SLC25A48: variants seen among roughly 807,000 people sequenced by gnomAD.
SLC25A48 encodes the protein CTC-321K16.1.
A neutral mutation model predicts 32.2 loss-of-function variants in SLC25A48; 29 were observed. That is an observed-to-expected ratio of 0.90 (90% CI 0.67 to 1.23). The LOEUF (loss-of-function observed/expected upper bound fraction) is 1.23. SLC25A48 is among the 50% of genes most tolerant of loss of function. The pLI is 0.00. For missense variants in SLC25A48, 399 were observed against 422.7 expected (o/e 0.94, Z 0.49); for synonymous variants, 164 against 172.3 (o/e 0.95, Z 0.38).
intron 4 of SLC25A48, among the ~76,000 whole-genome samples, chr5:135,827,773 C>T (rs1327736691): frequency 6.6e-6 from 1 of 150,922 alleles, no homozygotes; most frequent in Non-Finnish European, 1.5e-5. Context: ...AAGGAACAGA[C>T]AGGTTGGGAG....
intron 3 of SLC25A48, among the ~76,000 whole-genome samples, chr5:135,665,578 C>T (rs967156512): frequency 7.9e-5 from 12 of 151,878 alleles, no homozygotes; most frequent in African/African-American, 2.4e-4. Context: ...AGATTTAAGC[C>T]TCTGATCTAT....
At chr5:135,760,077 AC>A (rs1756024357) in intron 3 of SLC25A48, among the ~76,000 whole-genome samples, 1 of 151,760 alleles carries the variant, frequency 6.6e-6, no homozygotes, top group Admixed American at 6.6e-5. Flanking sequence ...GTGATCCACC[AC>A]CCTCAGCCTT....
chr5:135,779,297 T>C lies in SLC25A48; in HGVS notation c.-520-33226T>C, dbSNP rs536364549. The stretch of plus-strand genomic sequence containing the variant: ...CTCCCAATGTTGCAGAGGTGAACAC[T>C]CCCCCTGAGATATTGCTCCTAATAT... On this transcript the variant is annotated intron_variant, in intron 3 of 10. Coordinates refer to the SLC25A48 transcript ENST00000646290. 1.5e-4 allele frequency among the ~76,000 whole-genome samples: 22 copies of C among 151,440 alleles called. No individual in the cohort carries two copies. In the South Asian group the frequency reaches 4.6e-3, roughly 32 times the overall value.
intron 4 of SLC25A48, among the ~76,000 whole-genome samples, chr5:135,816,546 G>A (rs2126655832): frequency 6.6e-6 from 1 of 152,074 alleles, no homozygotes; most frequent in African/African-American, 2.4e-5. Context: ...GATGATCATT[G>A]GTAACTACCT....
intron 4 of SLC25A48, 127 bp downstream of exon 4, chr5:135,852,948 CG>C (rs1475084961): frequency 7.8e-7 from 1 of 1,279,458 alleles, no homozygotes; most frequent in East Asian, 2.6e-5. Flanking sequence ...CCTAGTAGTC[CG>C]TAATTACAGG....
intron 3 of SLC25A48, among the ~76,000 whole-genome samples, chr5:135,701,735 GCA>G (rs1754400481): frequency 6.6e-6 from 1 of 152,288 alleles, no homozygotes; most frequent in South Asian, 2.1e-4. Context: ...CCAGATCTGG[GCA>G]TTCCTCATAT....
Position 135,585,421 on chromosome 5 carries a change from G to A in SLC25A48, c.-849+5824G>A, listed in dbSNP as rs1751341539. 2.0e-5 allele frequency among the ~76,000 whole-genome samples: 3 copies of A among 152,186 alleles called. No individual in the cohort carries two copies. In the South Asian group the frequency reaches 6.2e-4, roughly 32 times the overall value. Reference sequence around the variant, plus strand: ...GCCTGACTCCCGTCCTAGCCCCAGGGTAGGAGAGGCACCTGCTGTCCGCGT... The same window carrying A: ...GCCTGACTCCCGTCCTAGCCCCAGGATAGGAGAGGCACCTGCTGTCCGCGT... On this transcript the variant is annotated intron_variant, in intron 1 of 10. Coordinates refer to the SLC25A48 transcript ENST00000646290.
chr5:135,623,877 T>C (rs541305852), intron 1 of SLC25A48, among the ~76,000 whole-genome samples: 216 of 152,358 alleles, frequency 1.4e-3, no homozygotes, highest in African/African-American at 5.1e-3. Flanking sequence ...TCATTATTAC[T>C]GCTGCTGCTG....
intron 1 of SLC25A48, among the ~76,000 whole-genome samples, chr5:135,582,442 G>A (rs916377961): frequency 6.6e-6 from 1 of 152,086 alleles, no homozygotes; most frequent in Non-Finnish European, 1.5e-5. Context: ...CTGACAGGGT[G>A]ACGAGGTGGG....
At position 135,817,391 on chromosome 5, in the gene SLC25A48, T is replaced by C. The variant is rs575678503; in HGVS notation, c.-117+4465T>C. Among the ~76,000 whole-genome samples the C allele has an allele frequency of 8.5e-5, 13 of 152,354 alleles. No homozygotes were observed. In the East Asian group the frequency reaches 2.5e-3, roughly 29 times the overall value. ...TAGACAATCCAGGTATGAATCCACA[T>C]GTATATTACTGATTTTTGACAAATA... On this transcript the variant is annotated intron_variant, in intron 4 of 10. Coordinates refer to the SLC25A48 transcript ENST00000646290.
intron 1 of SLC25A48, among the ~76,000 whole-genome samples, chr5:135,627,508 C>T (rs1752464471): frequency 6.6e-6 from 1 of 152,190 alleles, no homozygotes; most frequent in Non-Finnish European, 1.5e-5. Context: ...GTTGCCTCCT[C>T]TTTCCCCGTG....
rs906899138 is a variant in SLC25A48 at position 135,819,011 on chromosome 5, C to T, written c.-117+6085C>T. On this transcript the variant is annotated intron_variant, in intron 4 of 10. Transcript: ENST00000646290. ...GAGTCTGTGAGCTTAAAGATAGATC[C>T]ATATGATTTACACAATCTGAAGGAC... 7.3e-5 allele frequency among the ~76,000 whole-genome samples: 11 copies of T among 151,444 alleles called. 1 individual carries two copies.
At chr5:135,761,547 A>T (rs1030224090) in intron 3 of SLC25A48, among the ~76,000 whole-genome samples, 1 of 152,196 alleles carries the variant, frequency 6.6e-6, no homozygotes, top group Non-Finnish European at 1.5e-5. Context: ...ACTAACCAAA[A>T]ATGTAACCAT....
upstream of SLC25A48, among the ~76,000 whole-genome samples, chr5:135,832,770 C>A (rs1758254020): frequency 6.6e-6 from 1 of 152,168 alleles, no homozygotes; most frequent in Non-Finnish European, 1.5e-5. Context: ...ATCAGCATAG[C>A]CCATCTGCAT....
chr5:135,810,839 C>G (rs1298805347), intron 3 of SLC25A48, among the ~76,000 whole-genome samples: 1 of 152,156 alleles, frequency 6.6e-6, no homozygotes, highest in African/African-American at 2.4e-5. Context: ...CCATTTTTAG[C>G]CCATTTGCCA....
intron 1 of SLC25A48, among the ~76,000 whole-genome samples, chr5:135,604,773 G>T (rs184039585): frequency 2.0e-5 from 3 of 152,302 alleles, no homozygotes; most frequent in African/African-American, 7.2e-5. Flanking sequence ...AGTCATAAAA[G>T]GTCAGGTGTC....
intron 3 of SLC25A48, among the ~76,000 whole-genome samples, chr5:135,693,395 A>AG (rs1484116119): frequency 6.6e-6 from 1 of 152,172 alleles, no homozygotes; most frequent in East Asian, 1.9e-4. Context: ...CTCCACACTG[A>AG]GGGGAACTGA....
intron 3 of SLC25A48, among the ~76,000 whole-genome samples, chr5:135,734,748 C>T (rs1294337489): frequency 2.7e-5 from 4 of 147,708 alleles, no homozygotes; most frequent in Non-Finnish European, 4.4e-5. Flanking sequence ...ACCTGGGAGG[C>T]GGAGCTTGCA....
chr5:135,789,231 A>G lies in SLC25A48; in HGVS notation c.-520-23292A>G, dbSNP rs1756950203. ...GCCACGATATGGTTTGTAATATTTA[A>G]GGGGGAAGTGGGTGGTGTTACTTTC... On this transcript the variant is annotated intron_variant, in intron 3 of 10. Coordinates refer to the SLC25A48 transcript ENST00000646290. Among the ~76,000 whole-genome samples, 5 of 23,998 alleles carry G rather than the reference A, an allele frequency of 2.1e-4. No individual in the cohort carries two copies. In the South Asian group the frequency reaches 0.011, roughly 55 times the overall value. The allele number at this position is 23,998 out of a possible 152,430, so 15.7% of individuals were successfully genotyped here. A position where few individuals can be genotyped will look rare whatever the true frequency, so the allele number is the denominator to read the frequency against.
Sources: allele counts gnomAD v4.1 joint callset (sites outside exome capture counted in the v4.1 genomes callset), GRCh38; gene constraint gnomAD v4.1.1; transcripts MANE v1.5; gene names NCBI Gene and HGNC (gene_info 2026-07-23, HGNC 2026-07-21).